The following CLPX variants were observed in gnomAD, a reference collection of about 807,000 sequenced individuals.
CLPX encodes the protein caseinolytic mitochondrial matrix peptidase chaperone subunit X, also known as ATP-dependent clpX-like chaperone, mitochondrial.
Under a neutral mutation model 76.4 loss-of-function variants are expected in CLPX, and 34 were observed. That is an observed-to-expected ratio of 0.45 (90% confidence interval 0.34 to 0.59). The LOEUF (loss-of-function observed/expected upper bound fraction) is 0.59. Among genes scored for constraint, CLPX ranks in the 20% least tolerant of loss-of-function variants. The pLI is 0.01. For synonymous variants in CLPX, 248 were observed against 270.9 expected, an observed-to-expected ratio of 0.92 and a Z score of 0.83; for missense variants, 613 against 757.0, an observed-to-expected ratio of 0.81 and a Z score of 2.23.
At chr15:65,160,678 A>G (rs116635127) in intron 6 of CLPX, among the ~76,000 whole-genome samples, 201 of 152,038 alleles carry the variant, frequency 1.3e-3, no homozygotes, top group African/African-American at 4.7e-3. Flanking sequence ...GAATAAATGA[A>G]CAAAATTGCA....
chr15:65,160,997 T>G (rs1272146923), intron 6 of CLPX, among the ~76,000 whole-genome samples: 1 of 152,204 alleles, frequency 6.6e-6, no homozygotes, highest in African/African-American at 2.4e-5. Flanking sequence ...TTTCTGTGTT[T>G]CAGTTTTCTT....
Position 65,152,551 on chromosome 15 carries a change from A to T in CLPX, c.1705-15T>A. The T allele has an allele frequency of 7.1e-7, 1 of 1,408,360 alleles. No homozygotes were observed. Among genetic ancestry groups the T allele is most frequent in the South Asian group, 1.4e-5 (1 of 69,752 alleles). 87.2% of individuals were successfully genotyped at this position (1,408,360 alleles called of 1,614,324 possible). ...AACAGCTTTTCCTAAAGAAATAAAA[A>T]GTAATGAATCACATTGAAAACAGAT... On this transcript the variant is annotated splice_polypyrimidine_tract_variant and intron_variant, in intron 12 of 13. Coordinates refer to ENST00000300107, the MANE Select transcript of CLPX (RefSeq NM_006660.5).
chr15:65,178,915 TAGA>T lies in CLPX; in HGVS notation c.358+16_358+18del. 7.8e-7 allele frequency: 1 copy of T among 1,287,524 alleles called. No individual in the cohort carries two copies. The highest frequency in any genetic ancestry group is 1.5e-5 in the African/African-American group (1 of 67,592). 79.8% of individuals were successfully genotyped at this position (1,287,524 alleles called of 1,614,324 possible). A position where few individuals can be genotyped will look rare whatever the true frequency, so the allele number is the denominator to read the frequency against. On this transcript the variant is annotated intron_variant, in intron 3 of 13. Transcript: ENST00000300107. Reference sequence around the variant, plus strand: ...AGAAAATGTAGGGAAAAAAGAACAGTAGAAGATGTAATACTTACATACAAAGGT... The same window carrying T: ...AGAAAATGTAGGGAAAAAAGAACAGTAGATGTAATACTTACATACAAAGGT...
chr15:65,157,437 C>T (rs1261185802), intron 8 of CLPX, among the ~76,000 whole-genome samples: 1 of 152,096 alleles, frequency 6.6e-6, no homozygotes, highest in Non-Finnish European at 1.5e-5. Flanking sequence ...TTGCCCCTGC[C>T]CTGTCCTGTC....
chr15:65,152,169 C>A (rs573870640), intron 13 of CLPX, among the ~76,000 whole-genome samples: 132 of 152,172 alleles, frequency 8.7e-4, no homozygotes, highest in Middle Eastern at 3.4e-3. Context: ...ACCTCGTGAT[C>A]CGCCCACCTC....
chr15:65,150,731 G>T lies in CLPX; in HGVS notation c.*92C>A. ...CTGACCATGTATGATATCCAAGATA[G>T]ATCCAATGCCTTTAATATCAGACTG... On this transcript the variant is annotated 3_prime_UTR_variant, in exon 14 of 14. Transcript: ENST00000300107. 1 of 792,962 alleles carries T rather than the reference G, an allele frequency of 1.3e-6. No homozygotes were observed. 49.1% of individuals were successfully genotyped at this position (792,962 alleles called of 1,614,324 possible). A position where few individuals can be genotyped will look rare whatever the true frequency, so the allele number is the denominator to read the frequency against.
At chr15:65,158,035 T>C (rs2087811255) in intron 7 of CLPX, 125 bp from the exon 8 acceptor site, 1 of 749,756 alleles carries the variant, frequency 1.3e-6, no homozygotes, top group Non-Finnish European at 2.0e-6. Flanking sequence ...ATCCTTCCTC[T>C]GCTATTATTT....
intron 3 of CLPX, among the ~76,000 whole-genome samples, chr15:65,175,266 A>C (rs958288202): frequency 1.3e-5 from 2 of 152,158 alleles, no homozygotes; most frequent in African/African-American, 4.8e-5. Context: ...CAGGTGAATC[A>C]CCTGAGGTCA....
At position 65,150,510 on chromosome 15, in the gene CLPX, GTTATCGCAATACC is replaced by G. The variant is rs376746728; in HGVS notation, c.*300_*312del. 2.8e-4 allele frequency: 57 copies of G among 200,506 alleles called. No individual in the cohort carries two copies. The East Asian group carries it at 6.1e-3, about 21-fold the overall frequency. 12.4% of individuals were successfully genotyped at this position (200,506 alleles called of 1,614,324 possible). A position where few individuals can be genotyped will look rare whatever the true frequency, so the allele number is the denominator to read the frequency against. ...GAGTAACATTATTGTAAAATCTACA[GTTATCGCAATACC>G]TGCATTGCTTAAAAGAATTCCTAAG... is the stretch of plus-strand genomic sequence containing the variant. On this transcript the variant is annotated 3_prime_UTR_variant, in exon 14 of 14. Transcript: ENST00000300107.
chr15:65,153,782 G>A, intron 11 of CLPX, 143 bp from the exon 12 acceptor site: 2 of 523,844 alleles, frequency 3.8e-6, no homozygotes, highest in Non-Finnish European at 6.6e-6. Context: ...ATCCATGACA[G>A]TATCAGTATT....
intron 3 of CLPX, 91 bp from the exon 4 acceptor site, chr15:65,166,876 G>T: frequency 1.6e-6 from 2 of 1,272,094 alleles, no homozygotes; most frequent in Non-Finnish European, 2.1e-6. Flanking sequence ...TGAAAGCTAC[G>T]CACCTGACAA....
intron 3 of CLPX, among the ~76,000 whole-genome samples, chr15:65,177,950 C>T (rs1030004182): frequency 6.6e-6 from 1 of 152,198 alleles, no homozygotes; most frequent in Non-Finnish European, 1.5e-5. Context: ...CATGCACCAC[C>T]ATGCCTAGCT....
rs36113271 is a variant in CLPX at position 65,149,860 on chromosome 15, TA to T, written c.*962del. ...GGGACAGCGTGAGACTCCGCTCAAT[TA>T]AAAAAAAAAAAAAAAAAAAGATGGT... On this transcript the variant is annotated 3_prime_UTR_variant, in exon 14 of 14. Coordinates refer to ENST00000300107, the MANE Select transcript of CLPX (RefSeq NM_006660.5). 1,893 of 118,768 alleles carry T rather than the reference TA, an allele frequency of 0.016. 24 individuals carry two copies. The highest frequency in any genetic ancestry group is 0.055 in the African/African-American group (1,670 of 30,444). The allele number at this position is 118,768 out of a possible 1,614,324, so 7.4% of individuals were successfully genotyped here. A position where few individuals can be genotyped will look rare whatever the true frequency, so the allele number is the denominator to read the frequency against.
At chr15:65,155,601 T>TATAG in intron 10 of CLPX, 91 bp downstream of exon 10, 2 of 1,085,260 alleles carry the variant, frequency 1.8e-6, no homozygotes, top group Non-Finnish European at 2.7e-6. Context: ...ATTAAAACTA[T>TATAG]GACTGGTAGC....
At position 65,155,026 on chromosome 15, in the gene CLPX, G is replaced by C; in HGVS notation, c.1367C>G (p.Ala456Gly). 6.2e-7 allele frequency: 1 copy of C among 1,614,100 alleles called. No individual in the cohort carries two copies. The highest frequency in any genetic ancestry group is 8.5e-7 in the Non-Finnish European group (1 of 1,180,010). ...CCCACTTCGATTAGCAAGGTCTGCA[G>C]CAGCTGCAGCCCTTCTGCCTTTTCC... ...NLGKGRRAAA[A>G]ADLANRSGES... Residue 456 changes from alanine (A) to glycine (G), a missense_variant, in exon 11 of 14, where the codon GCT (alanine) becomes GGT (glycine). By Grantham distance (60) the Ala-to-Gly change is moderately conservative. Transcript: ENST00000300107.
intron 3 of CLPX, among the ~76,000 whole-genome samples, chr15:65,174,613 G>A (rs2088062655): frequency 6.6e-6 from 1 of 152,148 alleles, no homozygotes; most frequent in South Asian, 2.1e-4. Flanking sequence ...CATGGTATAT[G>A]AATGATGATA....
intron 3 of CLPX, among the ~76,000 whole-genome samples, chr15:65,171,136 A>G (rs1352451871): frequency 6.6e-6 from 1 of 151,886 alleles, no homozygotes; most frequent in African/African-American, 2.4e-5. Context: ...TCTGTTCTTA[A>G]ACACAAGACT....
At chr15:65,153,185 C>T (rs1216468452) in intron 12 of CLPX, among the ~76,000 whole-genome samples, 6 of 150,622 alleles carry the variant, frequency 4.0e-5, no homozygotes, top group Admixed American at 2.0e-4. Context: ...CGTGGTGGCT[C>T]ACGCCTGTAA....
intron 6 of CLPX, among the ~76,000 whole-genome samples, chr15:65,159,800 C>T (rs1379576887): frequency 6.6e-6 from 1 of 150,872 alleles, no homozygotes; most frequent in Non-Finnish European, 1.5e-5. Context: ...TTTATTTTTA[C>T]ATTTTCTTTT....
Sources: gnomAD v4.1 joint callset for allele counts (sites outside exome capture counted in the v4.1 genomes callset) on GRCh38, gnomAD v4.1.1 for gene constraint, MANE v1.5 for transcripts, NCBI Gene and HGNC (gene_info 2026-07-23, HGNC 2026-07-21) for gene names.